TRPM3: variants seen among roughly 807,000 people sequenced by gnomAD.
TRPM3 encodes transient receptor potential cation channel subfamily M member 3.
A neutral mutation model predicts 181.2 loss-of-function variants in TRPM3; 77 were observed. The ratio of observed to expected loss-of-function variants is 0.42; its 90% confidence interval spans 0.35 to 0.51. The LOEUF is 0.51. Among genes scored for constraint, TRPM3 ranks in the 20% least tolerant of loss-of-function variants. TRPM3 has a pLI of 0.01. For synonymous variants in TRPM3, 745 were observed against 796.4 expected (o/e 0.94, Z 1.09); for missense variants, 1,759 against 2,196.7 (o/e 0.80, Z 3.98).
Position 70,934,010 on chromosome 9 carries a change from T to C in TRPM3, c.178-69499A>G, listed in dbSNP as rs371687427. Among the ~76,000 whole-genome samples the C allele has an allele frequency of 1.7e-4, 26 of 152,242 alleles. No homozygotes were observed. The East Asian group carries it at 3.9e-3, about 23-fold the overall frequency. ...CCATCTTAGGGGTTCAATTTTCTCT[T>C]GGAAGAATTGGTGACCTCACCTAGA... On this transcript the variant is annotated intron_variant, in intron 1 of 25. Coordinates refer to ENST00000677713, the MANE Select transcript of TRPM3 (RefSeq NM_001366145.2).
intron 1 of TRPM3, among the ~76,000 whole-genome samples, chr9:71,063,048 G>C (rs903176468): frequency 6.6e-6 from 1 of 152,118 alleles, no homozygotes; most frequent in African/African-American, 2.4e-5. Context: ...GACAAGAACT[G>C]ACATGGAAGA....
intron 1 of TRPM3, among the ~76,000 whole-genome samples, chr9:71,266,655 G>C (rs2083413703): frequency 6.6e-6 from 1 of 152,080 alleles, no homozygotes; most frequent in Non-Finnish European, 1.5e-5. Context: ...TGACAAAATT[G>C]CATGTGTATA....
At chr9:70,770,055 A>G (rs1054936842) in intron 7 of TRPM3, among the ~76,000 whole-genome samples, 1 of 152,162 alleles carries the variant, frequency 6.6e-6, no homozygotes, top group Non-Finnish European at 1.5e-5. Context: ...GATTATCTCT[A>G]AGAAATATTA....
At chr9:70,790,706 C>T (rs758159675) in intron 6 of TRPM3, among the ~76,000 whole-genome samples, 8 of 152,122 alleles carry the variant, frequency 5.3e-5, no homozygotes, top group Non-Finnish European at 1.0e-4. Context: ...CTTCTGTGGT[C>T]TGGAAAGTGT....
At chr9:70,905,739 C>T (rs1198593702) in intron 1 of TRPM3, among the ~76,000 whole-genome samples, 1 of 147,886 alleles carries the variant, frequency 6.8e-6, no homozygotes, top group African/African-American at 2.4e-5. Flanking sequence ...ATAAGAAAGT[C>T]GTTTCTTTTT....
At chr9:70,585,131 G>T (rs985243857) in intron 22 of TRPM3, among the ~76,000 whole-genome samples, 1 of 152,180 alleles carries the variant, frequency 6.6e-6, no homozygotes, top group Non-Finnish European at 1.5e-5. Context: ...CCTAGTAAAT[G>T]CTTTGTCCTG....
intron 1 of TRPM3, among the ~76,000 whole-genome samples, chr9:70,990,603 C>A (rs1393833824): frequency 6.6e-6 from 1 of 152,164 alleles, no homozygotes; most frequent in Non-Finnish European, 1.5e-5. Flanking sequence ...AAATTCACTT[C>A]TCTCAGTCCT....
intron 1 of TRPM3, among the ~76,000 whole-genome samples, chr9:71,238,704 A>T (rs1353010776): frequency 1.3e-5 from 2 of 152,224 alleles, no homozygotes; most frequent in African/African-American, 4.8e-5. Flanking sequence ...TTAAGCATTC[A>T]GGCCATGTGA....
intron 8 of TRPM3, among the ~76,000 whole-genome samples, chr9:70,696,612 A>C (rs1290611761): frequency 6.6e-6 from 1 of 152,234 alleles, no homozygotes; most frequent in Non-Finnish European, 1.5e-5. Flanking sequence ...TGCTCTGTGG[A>C]TGTGTGCGCA....
intron 9 of TRPM3, among the ~76,000 whole-genome samples, chr9:70,665,287 A>G (rs550655752): frequency 6.6e-6 from 1 of 152,182 alleles, no homozygotes; most frequent in Admixed American, 6.5e-5. Context: ...TCATTTTCAG[A>G]GCTAGGGTAT....
chr9:71,140,245 T>C (rs556113868), intron 1 of TRPM3, among the ~76,000 whole-genome samples: 1 of 152,286 alleles, frequency 6.6e-6, no homozygotes, highest in Admixed American at 6.5e-5. Context: ...TTTAAGCAGA[T>C]ATAGGAAGCA....
At chr9:70,937,613 T>A (rs1477624873) in intron 1 of TRPM3, among the ~76,000 whole-genome samples, 1 of 152,182 alleles carries the variant, frequency 6.6e-6, no homozygotes, top group Admixed American at 6.5e-5. Context: ...AACCTGTAGG[T>A]AAGTAACTTG....
intron 25 of TRPM3, among the ~76,000 whole-genome samples, chr9:70,538,819 G>A (rs1299990471): frequency 1.3e-5 from 2 of 152,136 alleles, no homozygotes; most frequent in East Asian, 1.9e-4. Flanking sequence ...TGACATTTAC[G>A]AACTTGATTT....
At chr9:70,826,082 A>T (rs1457714965) in intron 6 of TRPM3, 1 of 152,190 alleles carries the variant, frequency 6.6e-6, no homozygotes, top group Non-Finnish European at 1.5e-5. Context: ...TTGACCCTGA[A>T]TTTATTCCTT....
At chr9:70,569,504 C>T (rs867973486) in intron 22 of TRPM3, among the ~76,000 whole-genome samples, 115 of 152,228 alleles carry the variant, frequency 7.6e-4, no homozygotes, top group African/African-American at 2.5e-3. Flanking sequence ...GTTATATTGA[C>T]GGTTGCCATG....
At chr9:71,332,719 G>C (rs2090294385) in intron 1 of TRPM3, among the ~76,000 whole-genome samples, 1 of 151,598 alleles carries the variant, frequency 6.6e-6, no homozygotes, top group Non-Finnish European at 1.5e-5. Context: ...CAATTTTATA[G>C]GATTTCTTAA....
chr9:71,261,783 T>G (rs113094478), intron 1 of TRPM3, among the ~76,000 whole-genome samples: 1,647 of 152,294 alleles, frequency 0.011, 27 homozygotes, highest in East Asian at 0.075. Context: ...CTGCTGGAGT[T>G]TGTTGTGGGT....
chr9:70,681,415 T>A lies in TRPM3; in HGVS notation c.1345+91A>T, dbSNP rs989191147. On this transcript the variant is annotated intron_variant, in intron 9 of 25. Transcript: ENST00000677713. ...AATAATTTATTGTGTCATAGTATCA[T>A]TTGGGATTATATCTATTATTAGGAG... The A allele has an allele frequency of 1.4e-5, 15 of 1,062,130 alleles. No individual in the cohort carries two copies. The Admixed American group carries it at 2.8e-4, about 20-fold the overall frequency. The allele number at this position is 1,062,130 out of a possible 1,614,324, so 65.8% of individuals were successfully genotyped here.
intron 1 of TRPM3, among the ~76,000 whole-genome samples, chr9:71,164,660 T>A (rs1003582040): frequency 4.6e-5 from 7 of 152,128 alleles, no homozygotes; most frequent in African/African-American, 1.7e-4. Flanking sequence ...ACAATGAATT[T>A]CATTGTTCCG....
Sources: allele counts gnomAD v4.1 joint callset (sites outside exome capture counted in the v4.1 genomes callset), GRCh38; gene constraint gnomAD v4.1.1; transcripts MANE v1.5; gene names NCBI Gene and HGNC (gene_info 2026-07-23, HGNC 2026-07-21).